LYSMD4: variants seen among roughly 807,000 people sequenced by gnomAD.
The protein encoded by LYSMD4 is lysM and putative peptidoglycan-binding domain-containing protein 4.
A neutral mutation model predicts 6.1 loss-of-function variants in LYSMD4; 9 were observed. The observed-to-expected ratio is 1.47, with a 90% CI of 0.88 to 2.56. The LOEUF is 2.56. Among genes scored for constraint, LYSMD4 ranks in the 30% most tolerant of loss-of-function variants. LYSMD4 has a pLI of 0.00. For synonymous variants in LYSMD4, 143 were observed against 148.5 expected (o/e 0.96, Z 0.27); for missense variants, 384 against 373.5 (o/e 1.03, Z -0.23).
chr15:99,727,490 G>A lies in LYSMD4; in HGVS notation c.*1633C>T, dbSNP rs2059299142. ...GTCTGACAAAAGTGATTTTGTCATG[G>A]AACTCCAAGGCCTGCCTGGTGAAGT... On this transcript the variant is annotated 3_prime_UTR_variant, in exon 3 of 3. Transcript: ENST00000684762. 1 of 152,190 alleles carries A rather than the reference G, an allele frequency of 6.6e-6. No homozygotes were observed. Among genetic ancestry groups the A allele is most frequent in the African/African-American group, 2.4e-5 (1 of 41,444 alleles). 9.4% of individuals were successfully genotyped at this position (152,190 alleles called of 1,614,324 possible).
intron 1 of LYSMD4, among the ~76,000 whole-genome samples, chr15:99,732,531 A>AAC (rs1306923742): frequency 6.6e-6 from 1 of 152,258 alleles, no homozygotes; most frequent in African/African-American, 2.4e-5. Context: ...AACTCACAGT[A>AAC]TGTGGGGCAA....
At chr15:99,725,444 C>T (rs1032149694), downstream of LYSMD4, among the ~76,000 whole-genome samples, 8 of 152,176 alleles carry the variant, frequency 5.3e-5, no homozygotes, top group Non-Finnish European at 7.3e-5. Flanking sequence ...GCGGCCTCCA[C>T]GATCGCGATG....
At chr15:99,725,139 G>T (rs1038612062), downstream of LYSMD4, among the ~76,000 whole-genome samples, 1 of 119,728 alleles carries the variant, frequency 8.4e-6, no homozygotes, top group Non-Finnish European at 2.1e-5. Context: ...CTTTCCTGAC[G>T]GTCTCTGTTA....
chr15:99,731,434 A>G, intron 2 of LYSMD4: 1 of 1,605,928 alleles, frequency 6.2e-7, no homozygotes, highest in Non-Finnish European at 8.5e-7. Flanking sequence ...TCGAAAGAAG[A>G]AAAAAGGTTT....
rs150937647 is a variant in LYSMD4 at position 99,729,646 on chromosome 15, T to C, written c.368A>G (p.His123Arg). The change falls in exon 3 of 3, where the codon CAT becomes CGT. Residue 123 changes from histidine to arginine, a missense_variant. Coordinates refer to ENST00000684762, the MANE Select transcript of LYSMD4 (RefSeq NM_001284417.2). ...TTTGTGGGTCTCCATCAGGATCCCA[T>C]GGTTTCTCACTGGAATCTTAACAGA... ...LKSVKIPVRN[H>R]GILMETHKEL... 16 of 1,614,170 alleles carry C rather than the reference T, an allele frequency of 9.9e-6. No individual in the cohort carries two copies. Among genetic ancestry groups the C allele is most frequent in the Non-Finnish European group, 1.2e-5 (14 of 1,180,034 alleles).
downstream of LYSMD4, among the ~76,000 whole-genome samples, chr15:99,723,848 A>G (rs781143492): frequency 2.8e-5 from 4 of 144,182 alleles, no homozygotes; most frequent in Non-Finnish European, 5.9e-5. Flanking sequence ...TTCAGTGCTC[A>G]TCAACTCGCT....
rs117705547 is a variant in LYSMD4, at chr15:99,730,082, C to T, written c.283-351G>A. Among the ~76,000 whole-genome samples, 1,433 of 152,328 alleles carry T rather than the reference C, an allele frequency of 9.4e-3. 11 individuals carry two copies. Among genetic ancestry groups the T allele is most frequent in the South Asian group, 0.017 (84 of 4,818 alleles). Reference sequence around the variant, plus strand: ...CACCATGGCACTGAAAGGAATGTTGCAGCCTTTTCCACCTTTCACTTTTGA... The same window carrying T: ...CACCATGGCACTGAAAGGAATGTTGTAGCCTTTTCCACCTTTCACTTTTGA... On this transcript the variant is annotated intron_variant, in intron 2 of 2. Coordinates refer to ENST00000684762, the MANE Select transcript of LYSMD4 (RefSeq NM_001284417.2).
downstream of LYSMD4, among the ~76,000 whole-genome samples, chr15:99,726,168 T>TTTTC (rs60862713): frequency 1.6e-4 from 23 of 146,248 alleles, no homozygotes; most frequent in Admixed American, 2.8e-4. Flanking sequence ...TTTTTTTTTT[T>TTTTC]CCCGCCTGAG....
downstream of LYSMD4, among the ~76,000 whole-genome samples, chr15:99,722,813 T>C (rs1055401445): frequency 1.6e-4 from 24 of 152,036 alleles, no homozygotes; most frequent in African/African-American, 5.3e-4. Flanking sequence ...GGCGGGCGGA[T>C]CACTTGAGGT....
At chr15:99,716,973 G>A (rs1030261708) in exon 1 of LYSMD4, 7 of 287,640 alleles carry the variant, frequency 2.4e-5, no homozygotes, top group African/African-American at 1.5e-4. Context: ...AGATGTGCTG[G>A]CATGAATTGA....
At chr15:99,716,743 A>G in exon 1 of LYSMD4, 1 of 454,816 alleles carries the variant, frequency 2.2e-6, no homozygotes, top group Non-Finnish European at 4.4e-6. Context: ...ACGCAGTCCC[A>G]CCGGGGCCTA....
chr15:99,729,494 C>T lies in LYSMD4; in HGVS notation c.520G>A (p.Asp174Asn). 1.2e-6 allele frequency: 2 copies of T among 1,614,158 alleles called. No individual in the cohort carries two copies. Among genetic ancestry groups the T allele is most frequent in the East Asian group, 2.2e-5 (1 of 44,880 alleles). ...TGCACTGCACGCTCAATATCCTGGT[C>T]AATCCCCTTAAAGAAGCCCATCAGT... Reference protein sequence around the residue: ...GQLMGFFKGIDQDIERAVQSE... With the variant: ...GQLMGFFKGINQDIERAVQSE... The change falls in exon 3 of 3, where the codon GAC becomes AAC. Residue 174 changes from aspartate to asparagine, a missense_variant. By Grantham distance (23) the Asp-to-Asn change is conservative. Coordinates refer to ENST00000684762, the MANE Select transcript of LYSMD4 (RefSeq NM_001284417.2).
downstream of LYSMD4, among the ~76,000 whole-genome samples, chr15:99,722,889 G>A (rs2059247867): frequency 6.6e-6 from 1 of 152,066 alleles, no homozygotes. Flanking sequence ...AAATCAGCCA[G>A]GCATGCTGGT....
downstream of LYSMD4, among the ~76,000 whole-genome samples, chr15:99,724,337 T>C (rs1439961784): frequency 6.6e-6 from 1 of 152,230 alleles, no homozygotes; most frequent in Non-Finnish European, 1.5e-5. Context: ...CTCAGCTCAC[T>C]GTAACCTCCA....
At position 99,728,748 on chromosome 15, in the gene LYSMD4, G is replaced by C. The variant is rs556646781; in HGVS notation, c.*375C>G. The C allele has an allele frequency of 4.8e-5, 12 of 248,050 alleles. No homozygotes were observed. Among genetic ancestry groups the C allele is most frequent in the Non-Finnish European group, 8.8e-5 (11 of 124,510 alleles). The allele number at this position is 248,050 out of a possible 1,614,324, so 15.4% of individuals were successfully genotyped here. A position where few individuals can be genotyped will look rare whatever the true frequency, so the allele number is the denominator to read the frequency against. On this transcript the variant is annotated 3_prime_UTR_variant, in exon 3 of 3. Transcript: ENST00000684762. Reference sequence around the variant, plus strand: ...GGATACAGCAAGAGCCAGGCAAGCCGCGCAGATGCCACTGGCTCTCACGCT... The same window carrying C: ...GGATACAGCAAGAGCCAGGCAAGCCCCGCAGATGCCACTGGCTCTCACGCT...
intron 1 of LYSMD4, chr15:99,733,134 C>T (rs373026700): frequency 8.1e-6 from 3 of 369,802 alleles, no homozygotes; most frequent in East Asian, 7.8e-5. Flanking sequence ...TTCCAGAGGG[C>T]AGAACCTCTG....
At chr15:99,732,569 C>T (rs2059444558) in intron 1 of LYSMD4, among the ~76,000 whole-genome samples, 1 of 152,202 alleles carries the variant, frequency 6.6e-6, no homozygotes, top group African/African-American at 2.4e-5. Context: ...TGCCTGTCAG[C>T]CGGAGAAAAG....
chr15:99,716,643 A>G, exon 1 of LYSMD4: 1 of 456,594 alleles, frequency 2.2e-6, no homozygotes, highest in South Asian at 1.5e-5. Flanking sequence ...GGTCAAGGAA[A>G]CCGTCCCAAC....
At chr15:99,721,873 G>T (rs1395170169), upstream of LYSMD4, among the ~76,000 whole-genome samples, 1 of 152,216 alleles carries the variant, frequency 6.6e-6, no homozygotes, top group Non-Finnish European at 1.5e-5. Flanking sequence ...AAACTGATGA[G>T]TGCCCCAGCT....
Sources: allele counts gnomAD v4.1 joint callset (sites outside exome capture counted in the v4.1 genomes callset), GRCh38; gene constraint gnomAD v4.1.1; transcripts MANE v1.5; gene names NCBI Gene and HGNC (gene_info 2026-07-23, HGNC 2026-07-21).